The following PRDM11 variants were observed in gnomAD, a reference collection of about 807,000 sequenced individuals.
PRDM11 encodes PR domain-containing protein 11.
PRDM11 carries 20 observed loss-of-function variants against 97.8 expected under a neutral mutation model. That is an observed-to-expected ratio of 0.20 (90% CI 0.14 to 0.30). The LOEUF (loss-of-function observed/expected upper bound fraction) is 0.30. PRDM11 is among the 10% of genes least tolerant of loss of function. The pLI is 1.00. For synonymous variants in PRDM11, 599 were observed against 637.7 expected, an observed-to-expected ratio of 0.94 and a Z score of 0.91; for missense variants, 1,139 against 1,555.2, an observed-to-expected ratio of 0.73 and a Z score of 4.50.
In PRDM11 at chr11:45,224,752, A is replaced by G; in HGVS notation, c.1278A>G (p.Ala426=). Residue 426 remains alanine, a synonymous_variant, in exon 7 of 8, where the codon GCA becomes GCG. Coordinates refer to ENST00000683152, the MANE Select transcript of PRDM11 (RefSeq NM_001384648.1). The stretch of plus-strand genomic sequence containing the variant: ...AGAAGAAGGTTCGGGAGCTCCAGGC[A>G]GAATTAGACATGCTTAAGTCTGGGA... ...RLKKKVRELQ[A]ELDMLKSGKL... is the part of the protein sequence containing the mutation. The G allele has an allele frequency of 6.2e-7, 1 of 1,614,230 alleles. No individual in the cohort carries two copies. The highest frequency in any genetic ancestry group is 1.7e-5 in the Admixed American group (1 of 60,028).
At chr11:45,213,808 C>A in intron 5 of PRDM11, 1 of 441,142 alleles carries the variant, frequency 2.3e-6, no homozygotes, top group Non-Finnish European at 4.6e-6. Flanking sequence ...GTGAGAGGGC[C>A]AGGACTGGAA....
At chr11:45,213,465 G>A in intron 5 of PRDM11, 1 of 454,948 alleles carries the variant, frequency 2.2e-6, no homozygotes, top group Non-Finnish European at 4.4e-6. Context: ...AGGGGGTGAG[G>A]CCTGATGGGC....
intron 1 of PRDM11, among the ~76,000 whole-genome samples, chr11:45,127,639 T>G (rs1233486647): frequency 6.6e-6 from 1 of 152,234 alleles, no homozygotes; most frequent in Non-Finnish European, 1.5e-5. Context: ...CAGCGGTGGC[T>G]GCAGAACAGC....
intron 5 of PRDM11, among the ~76,000 whole-genome samples, chr11:45,212,242 A>C (rs1252495049): frequency 1.3e-5 from 2 of 152,104 alleles, no homozygotes; most frequent in East Asian, 1.9e-4. Flanking sequence ...CCACTAGAAT[A>C]GAGCTGTTCC....
intron 1 of PRDM11, among the ~76,000 whole-genome samples, chr11:45,169,015 C>A (rs1852136747): frequency 6.6e-6 from 1 of 152,170 alleles, no homozygotes; most frequent in Admixed American, 6.5e-5. Flanking sequence ...ACTTCAGGGC[C>A]CTCTTCCACA....
chr11:45,134,225 A>G (rs1852781300), intron 1 of PRDM11, among the ~76,000 whole-genome samples: 1 of 152,212 alleles, frequency 6.6e-6, no homozygotes. Flanking sequence ...CTCGGACCAA[A>G]TAGCTCATGC....
chr11:45,145,512 C>A (rs1284955566), upstream of PRDM11, among the ~76,000 whole-genome samples: 1 of 152,194 alleles, frequency 6.6e-6, no homozygotes, highest in East Asian at 1.9e-4. Flanking sequence ...TGGGGTAGTA[C>A]CCTCTGGGGG....
chr11:45,175,960 C>A (rs982639025), intron 1 of PRDM11, among the ~76,000 whole-genome samples: 3 of 152,102 alleles, frequency 2.0e-5, no homozygotes, highest in Non-Finnish European at 4.4e-5. Context: ...TTGGTCTTTG[C>A]AGATTGCTTG....
chr11:45,103,616 G>A (rs1426807380), intron 1 of PRDM11, among the ~76,000 whole-genome samples: 1 of 151,522 alleles, frequency 6.6e-6, no homozygotes, highest in African/African-American at 2.4e-5. Flanking sequence ...GGCCTTTGAG[G>A]GTGTCAGAAA....
At chr11:45,221,750 A>T (rs1199187752) in intron 6 of PRDM11, among the ~76,000 whole-genome samples, 2 of 152,020 alleles carry the variant, frequency 1.3e-5, no homozygotes, top group Non-Finnish European at 2.9e-5. Context: ...AGCAGTAAGA[A>T]ATAGGAAGGA....
chr11:45,151,107 G>T (rs2135684153), intron 1 of PRDM11, among the ~76,000 whole-genome samples: 1 of 152,262 alleles, frequency 6.6e-6, no homozygotes, highest in African/African-American at 2.4e-5. Flanking sequence ...GGCCTCCAGT[G>T]GGGTAACACC....
chr11:45,146,573 C>T (rs2863154), upstream of PRDM11: 49,504 of 151,774 alleles, frequency 0.33, 8,975 homozygotes, highest in African/African-American at 0.46. Context: ...CTGGTGAGTC[C>T]CGGCTCCGGC....
intron 1 of PRDM11, among the ~76,000 whole-genome samples, chr11:45,160,334 GA>G (rs201144359): frequency 3.7e-4 from 56 of 151,620 alleles, no homozygotes; most frequent in African/African-American, 1.2e-3. Flanking sequence ...TTTTTACTTT[GA>G]AAAAAAATCA....
chr11:45,102,236 G>T (rs35211970), intron 1 of PRDM11, among the ~76,000 whole-genome samples: 1 of 28,648 alleles, frequency 3.5e-5, no homozygotes, highest in East Asian at 1.6e-3. Flanking sequence ...GCTCAGAGCT[G>T]GAGGCTGAGC....
At chr11:45,191,757 A>G (rs1852920897) in intron 4 of PRDM11, among the ~76,000 whole-genome samples, 1 of 152,088 alleles carries the variant, frequency 6.6e-6, no homozygotes, top group Non-Finnish European at 1.5e-5. Flanking sequence ...TCTGAATGGT[A>G]GGTGTGCAAT....
At chr11:45,139,099 T>C (rs1329312204) in intron 1 of PRDM11, among the ~76,000 whole-genome samples, 1 of 152,126 alleles carries the variant, frequency 6.6e-6, no homozygotes, top group Admixed American at 6.5e-5. Context: ...AGTGGTGTCA[T>C]ATAATTTAAA....
chr11:45,124,478 T>G (rs992226294), intron 1 of PRDM11, among the ~76,000 whole-genome samples: 2 of 152,148 alleles, frequency 1.3e-5, no homozygotes, highest in African/African-American at 2.4e-5. Context: ...TGGCTGTGGG[T>G]TTGTCACAGA....
intron 1 of PRDM11, among the ~76,000 whole-genome samples, chr11:45,159,426 A>AG (rs1565275342): frequency 6.6e-6 from 1 of 152,162 alleles, no homozygotes; most frequent in African/African-American, 2.4e-5. Flanking sequence ...GTTCACAAAG[A>AG]GGCTAAGTGG....
upstream of PRDM11, among the ~76,000 whole-genome samples, chr11:45,145,631 T>C (rs1052225982): frequency 2.0e-5 from 3 of 152,174 alleles, no homozygotes; most frequent in Non-Finnish European, 4.4e-5. Flanking sequence ...ACTGCCCCAA[T>C]TTTGGAGCTT....
Sources: gnomAD v4.1 joint callset for allele counts (sites outside exome capture counted in the v4.1 genomes callset) on GRCh38, gnomAD v4.1.1 for gene constraint, MANE v1.5 for transcripts, NCBI Gene and HGNC (gene_info 2026-07-23, HGNC 2026-07-21) for gene names.